Variants in TSHZ2 observed in about 807,000 individuals in gnomAD.
TSHZ2 encodes teashirt homolog 2.
TSHZ2 carries 21 observed loss-of-function variants against 74.4 expected under a neutral mutation model. That is an observed-to-expected ratio of 0.28 (90% CI 0.20 to 0.41). TSHZ2 has a LOEUF of 0.41. TSHZ2 is among the 10% of genes least tolerant of loss of function. The pLI is 1.00. For synonymous variants in TSHZ2, 540 were observed against 515.3 expected, an observed-to-expected ratio of 1.05 and a Z score of -0.65; for missense variants, 1,244 against 1,293.5, an observed-to-expected ratio of 0.96 and a Z score of 0.59.
In TSHZ2 at chr20:53,405,715, G is replaced by T. The variant is rs184868884; in HGVS notation, c.*9-81429G>T. ...AACAAGGTGATAAAAAGAAATAGTG[G>T]CCAGGTATGGTGGCTTATGCCAGTA... On this transcript the variant is annotated intron_variant, in intron 2 of 2. Transcript: ENST00000371497. Among the ~76,000 whole-genome samples, 13 of 152,306 alleles carry T rather than the reference G, an allele frequency of 8.5e-5. No homozygotes were observed. The East Asian group carries it at 2.3e-3, about 27-fold the overall frequency.
At chr20:53,175,801 C>G (rs528337702) in intron 1 of TSHZ2, among the ~76,000 whole-genome samples, 1 of 152,294 alleles carries the variant, frequency 6.6e-6, no homozygotes, top group Admixed American at 6.5e-5. Context: ...GTTAGCATGT[C>G]ACAAAGACTG....
chr20:53,456,064 G>C (rs1054413766), intron 2 of TSHZ2, among the ~76,000 whole-genome samples: 3 of 152,044 alleles, frequency 2.0e-5, no homozygotes, highest in Admixed American at 6.5e-5. Flanking sequence ...ATAGTCCTTT[G>C]GGTACATACC....
At chr20:53,286,053 G>A (rs1991157827) in intron 2 of TSHZ2, among the ~76,000 whole-genome samples, 1 of 152,120 alleles carries the variant, frequency 6.6e-6, no homozygotes, top group African/African-American at 2.4e-5. Context: ...GAGGTATATG[G>A]AGTGCAGTTG....
At chr20:53,264,573 T>A (rs1990670236) in intron 2 of TSHZ2, among the ~76,000 whole-genome samples, 1 of 152,218 alleles carries the variant, frequency 6.6e-6, no homozygotes, top group Non-Finnish European at 1.5e-5. Flanking sequence ...AAAGGATGCA[T>A]GTCCAGAATG....
intron 2 of TSHZ2, among the ~76,000 whole-genome samples, chr20:53,320,026 C>A (rs1374701285): frequency 1.3e-5 from 2 of 152,222 alleles, no homozygotes; most frequent in Admixed American, 1.3e-4. Flanking sequence ...TCTGGGCCAT[C>A]AACCTAAACC....
intron 2 of TSHZ2, among the ~76,000 whole-genome samples, chr20:53,378,639 G>A (rs1981747285): frequency 6.6e-6 from 1 of 152,022 alleles, no homozygotes; most frequent in Non-Finnish European, 1.5e-5. Flanking sequence ...TTTCCAAAAT[G>A]GGAAACATAC....
At chr20:53,350,110 C>A (rs1980593708) in intron 2 of TSHZ2, among the ~76,000 whole-genome samples, 1 of 152,204 alleles carries the variant, frequency 6.6e-6, no homozygotes, top group African/African-American at 2.4e-5. Context: ...CCTGAATAAT[C>A]TAAACCAAGG....
chr20:53,108,468 G>T (rs545976423), intron 1 of TSHZ2, among the ~76,000 whole-genome samples: 5 of 152,170 alleles, frequency 3.3e-5, no homozygotes, highest in Non-Finnish European at 7.3e-5. Context: ...GCTGGAAGAC[G>T]GTACGTGTTA....
At chr20:53,461,309 G>T (rs1600659391) in intron 2 of TSHZ2, among the ~76,000 whole-genome samples, 1 of 152,208 alleles carries the variant, frequency 6.6e-6, no homozygotes, top group Non-Finnish European at 1.5e-5. Context: ...ATTTCCAGGT[G>T]CGTCCGTCAC....
rs1986471003 is a variant in TSHZ2, at chr20:53,492,315, T to A, written c.*5180T>A. The A allele has an allele frequency of 6.6e-6, 1 of 152,212 alleles. No individual in the cohort carries two copies. The highest frequency in any genetic ancestry group is 2.4e-5 in the African/African-American group (1 of 41,462). 9.4% of individuals were successfully genotyped at this position (152,212 alleles called of 1,614,324 possible). ...ATTATAGATGTGTATGTATATTTTT[T>A]AAGTACAGAAAGTTCAGCCAGTCTT... is the stretch of plus-strand genomic sequence containing the variant. On this transcript the variant is annotated 3_prime_UTR_variant, in exon 3 of 3. Transcript: ENST00000371497.
intron 1 of TSHZ2, among the ~76,000 whole-genome samples, chr20:53,021,387 C>T (rs1983241080): frequency 6.6e-6 from 1 of 152,148 alleles, no homozygotes; most frequent in African/African-American, 2.4e-5. Flanking sequence ...GCAAGCCTCA[C>T]TGGTGATTCC....
At chr20:53,105,304 C>T (rs546380450) in intron 1 of TSHZ2, among the ~76,000 whole-genome samples, 1 of 152,202 alleles carries the variant, frequency 6.6e-6, no homozygotes, top group South Asian at 2.1e-4. Flanking sequence ...GCACTGCTGA[C>T]ATTAGGAGCT....
In TSHZ2 at chr20:53,018,975, C is replaced by T. The variant is rs369140460; in HGVS notation, c.40+45642C>T. On this transcript the variant is annotated intron_variant, in intron 1 of 2. Transcript: ENST00000371497. ...TTCAAACAGATTTATTCTTTTCTCT[C>T]ATTTGCTCAATATTTGATTCCCTAT... Among the ~76,000 whole-genome samples the T allele has an allele frequency of 1.3e-3, 193 of 152,316 alleles. 6 individuals are homozygous for T. The South Asian group carries it at 0.038, about 30-fold the overall frequency.
Position 53,255,540 on chromosome 20 carries a change from A to G in TSHZ2, c.2082A>G (p.Pro694=). The change falls in exon 2 of 3, where the codon CCA becomes CCG. Residue 694 remains proline (P), a synonymous_variant. Transcript: ENST00000371497. This position sits in a 1 kb window ranked among gnomAD's most constrained non-coding sequence, Gnocchi z 4.1. ...CCCCGGCCCTGCCATGCATCAACCC[A>G]CTCAGCGCCCTGCAGTCCGTCCTGA... ...NHAPALPCIN[P]LSALQSVLNN... The G allele has an allele frequency of 1.3e-6, 2 of 1,585,542 alleles. No individual in the cohort carries two copies. Among genetic ancestry groups the G allele is most frequent in the Non-Finnish European group, 1.7e-6 (2 of 1,167,540 alleles).
At chr20:53,266,112 G>A (rs1600777527) in intron 2 of TSHZ2, among the ~76,000 whole-genome samples, 1 of 152,240 alleles carries the variant, frequency 6.6e-6, no homozygotes, top group Middle Eastern at 3.4e-3. Flanking sequence ...AGACTTACTG[G>A]GTTTTATGGG....
chr20:52,992,633 G>A (rs1982035795), intron 1 of TSHZ2, among the ~76,000 whole-genome samples: 1 of 152,180 alleles, frequency 6.6e-6, no homozygotes, highest in Non-Finnish European at 1.5e-5. Context: ...TCCAGGTACA[G>A]GAATTTCCTC....
intron 1 of TSHZ2, among the ~76,000 whole-genome samples, chr20:53,218,195 C>T (rs1425399534): frequency 6.6e-6 from 1 of 152,232 alleles, no homozygotes; most frequent in Admixed American, 6.5e-5. Context: ...AGGCTGAGGG[C>T]CTCTCACCTG....
At chr20:53,229,592 G>A (rs532729177) in intron 1 of TSHZ2, among the ~76,000 whole-genome samples, 1 of 152,246 alleles carries the variant, frequency 6.6e-6, no homozygotes, top group Admixed American at 6.5e-5. Flanking sequence ...CACGGTAGGG[G>A]CTCAGCTTTT....
intron 1 of TSHZ2, among the ~76,000 whole-genome samples, chr20:53,187,194 G>A (rs1988620341): frequency 6.6e-6 from 1 of 152,138 alleles, no homozygotes. Context: ...ATGCCCAGAT[G>A]AATACTGTTG....
Sources: gnomAD v4.1 joint callset for allele counts (sites outside exome capture counted in the v4.1 genomes callset) on GRCh38, gnomAD v4.1.1 for gene constraint, Gnocchi (gnomAD v3.1) non-coding constraint, MANE v1.5 for transcripts, NCBI Gene and HGNC (gene_info 2026-07-23, HGNC 2026-07-21) for gene names.